GYPE: variants seen among roughly 807,000 people sequenced by gnomAD.
GYPE encodes the protein glycophorin E (MNS blood group), also known as glycophorin-E.
Under a neutral mutation model 11.6 loss-of-function variants are expected in GYPE, and 8 were observed. The ratio of observed to expected loss-of-function variants is 0.69; its 90% CI spans 0.41 to 1.25. The LOEUF (loss-of-function observed/expected upper bound fraction) is 1.25, where lower values mean the gene tolerates loss of function less well. GYPE is among the 50% of genes most tolerant of loss of function. GYPE has a pLI of 0.01. For missense variants in GYPE, 90 were observed against 92.8 expected (o/e 0.97, Z 0.12); for synonymous variants, 28 against 29.6 (o/e 0.94, Z 0.18).
At chr4:143,903,251 G>A (rs372143311) in intron 1 of GYPE, among the ~76,000 whole-genome samples, 3 of 151,056 alleles carry the variant, frequency 2.0e-5, no homozygotes, top group African/African-American at 4.9e-5. Context: ...TATTATCTGC[G>A]TTCCCTCCCA....
At position 143,882,086 on chromosome 4, in the gene GYPE, CTCTTT is replaced by C. The variant is rs556533003; in HGVS notation, c.38-1582_38-1578del. Among the ~76,000 whole-genome samples the C allele has an allele frequency of 4.3e-4, 66 of 152,262 alleles. No homozygotes were observed. The Middle Eastern group carries it at 0.02, about 47-fold the overall frequency. On this transcript the variant is annotated intron_variant, in intron 1 of 3. Coordinates refer to ENST00000358615, the MANE Select transcript of GYPE (RefSeq NM_198682.3). ...TCCTAAACTGTCTATGTTTTCTCTTCTCTTTTAAGTTCTTTTCTGGCCTTGCTCTT... is the reference window on the plus strand; with the variant it reads ...TCCTAAACTGTCTATGTTTTCTCTTCTAAGTTCTTTTCTGGCCTTGCTCTT...
At chr4:143,890,385 A>C (rs1488504825) in intron 1 of GYPE, among the ~76,000 whole-genome samples, 2 of 152,232 alleles carry the variant, frequency 1.3e-5, no homozygotes, top group Non-Finnish European at 2.9e-5. Context: ...TGAACTTCAC[A>C]CACATTAAAT....
intron 2 of GYPE, among the ~76,000 whole-genome samples, chr4:143,880,112 C>T (rs62338484): frequency 0.012 from 1,596 of 135,378 alleles, no homozygotes; most frequent in Non-Finnish European, 0.015. Context: ...ACAGACCCTC[C>T]GCACCACCGC....
chr4:143,875,309 T>C (rs1024335144), intron 3 of GYPE: 3 of 683,694 alleles, frequency 4.4e-6, no homozygotes, highest in South Asian at 2.0e-5. Flanking sequence ...CTATACTACA[T>C]GCAAATAATT....
In GYPE at chr4:143,876,220, C is replaced by G. The variant is rs1218784554; in HGVS notation, c.*9+526G>C. 5.3e-5 allele frequency among the ~76,000 whole-genome samples: 8 copies of G among 152,004 alleles called. 1 individual carries two copies. The highest frequency in any genetic ancestry group is 2.1e-4 in the South Asian group (1 of 4,808). On this transcript the variant is annotated intron_variant, in intron 3 of 3. Transcript: ENST00000358615. ...CCTTTATTTCCCAGGCTGAAGCAAT[C>G]CTCCCACTTCAGCCCCCTGAGTGGC... is the stretch of plus-strand genomic sequence containing the variant.
chr4:143,876,103 GT>G (rs1743798280), intron 3 of GYPE, among the ~76,000 whole-genome samples: 1 of 151,898 alleles, frequency 6.6e-6, no homozygotes, highest in Non-Finnish European at 1.5e-5. Context: ...GGTTTATTTT[GT>G]TTATTTTTAT....
intron 3 of GYPE, chr4:143,875,304 C>G: frequency 1.5e-6 from 1 of 662,654 alleles, no homozygotes; most frequent in East Asian, 2.8e-5. Flanking sequence ...CATGACTATA[C>G]TACATGCAAA....
rs187490690 is a variant in GYPE, at chr4:143,878,536, G to A, written c.137-1681C>T. 9.7e-4 allele frequency: 408 copies of A among 419,712 alleles called. 5 individuals carry two copies. Among genetic ancestry groups the A allele is most frequent in the African/African-American group, 7.8e-3 (360 of 46,418 alleles). 26.0% of individuals were successfully genotyped at this position (419,712 alleles called of 1,614,324 possible). On this transcript the variant is annotated intron_variant, in intron 2 of 3. Transcript: ENST00000358615. ...TGTGTGAATAAAGTTAACAACATAT[G>A]CTCTTCTGTTTTAAGATTGACACAT...
chr4:143,900,817 C>A (rs1389844559), intron 1 of GYPE, among the ~76,000 whole-genome samples: 1 of 151,982 alleles, frequency 6.6e-6, no homozygotes, highest in African/African-American at 2.4e-5. Flanking sequence ...TTAGTGGTTT[C>A]CAGGGGCTGG....
At chr4:143,878,525 T>A in intron 2 of GYPE, 1 of 391,546 alleles carries the variant, frequency 2.6e-6, no homozygotes, top group South Asian at 2.0e-5. Flanking sequence ...TGAATAAAGT[T>A]AACAACATAT....
In GYPE at chr4:143,876,932, C is replaced by T. The variant is rs531170871; in HGVS notation, c.137-77G>A. The T allele has an allele frequency of 8.8e-6, 7 of 791,466 alleles. No homozygotes were observed. The Admixed American group carries it at 1.4e-4, about 15-fold the overall frequency. 49.0% of individuals were successfully genotyped at this position (791,466 alleles called of 1,614,324 possible). ...CACATCCAATTGAAAAATAAGATAA[C>T]ATCAGCATAACATCACCTTGCCTTT... On this transcript the variant is annotated intron_variant, in intron 2 of 3. Transcript: ENST00000358615.
At chr4:143,882,872 A>AT (rs2149907557) in intron 1 of GYPE, among the ~76,000 whole-genome samples, 1 of 152,312 alleles carries the variant, frequency 6.6e-6, no homozygotes, top group African/African-American at 2.4e-5. Context: ...ATATCCCATT[A>AT]TTTTGAATTT....
chr4:143,892,645 T>A (rs1232193719), intron 1 of GYPE, among the ~76,000 whole-genome samples: 1 of 152,052 alleles, frequency 6.6e-6, no homozygotes, highest in African/African-American at 2.4e-5. Context: ...AATCCTGAGT[T>A]CTAGTTTGAT....
At position 143,882,685 on chromosome 4, in the gene GYPE, T is replaced by C. The variant is rs142505861; in HGVS notation, c.38-2176A>G. Among the ~76,000 whole-genome samples, 231 of 152,296 alleles carry C rather than the reference T, an allele frequency of 1.5e-3. 1 individual carries two copies. The highest frequency in any genetic ancestry group is 2.6e-3 in the Non-Finnish European group (174 of 68,038). Reference sequence around the variant, plus strand: ...GGAGCTCTCATCCTTCACTCAGGTGTGCTTGTCACTTCCATTTCTAACTTT... The same window carrying C: ...GGAGCTCTCATCCTTCACTCAGGTGCGCTTGTCACTTCCATTTCTAACTTT... On this transcript the variant is annotated intron_variant, in intron 1 of 3. Coordinates refer to ENST00000358615, the MANE Select transcript of GYPE (RefSeq NM_198682.3).
intron 1 of GYPE, among the ~76,000 whole-genome samples, chr4:143,904,905 T>C (rs1464257003): frequency 2.0e-5 from 3 of 152,168 alleles, no homozygotes; most frequent in African/African-American, 7.2e-5. Context: ...TTTTAATGGA[T>C]TTAAATTTCT....
At chr4:143,898,151 T>C (rs1234009391) in intron 1 of GYPE, among the ~76,000 whole-genome samples, 1 of 152,050 alleles carries the variant, frequency 6.6e-6, no homozygotes, top group Non-Finnish European at 1.5e-5. Flanking sequence ...CCGAGGCAGG[T>C]GGATTGCCTG....
intron 1 of GYPE, among the ~76,000 whole-genome samples, chr4:143,889,138 G>A: frequency 6.7e-6 from 1 of 149,736 alleles, no homozygotes. Context: ...ACTTGGTAGA[G>A]AAGGGTGCTG....
chr4:143,876,461 C>T (rs1743811886), intron 3 of GYPE, among the ~76,000 whole-genome samples: 2 of 151,922 alleles, frequency 1.3e-5, no homozygotes, highest in Admixed American at 1.3e-4. Flanking sequence ...TTAATATTTC[C>T]TCAATATCCA....
At chr4:143,872,895 G>A (rs1250524393) in intron 3 of GYPE, among the ~76,000 whole-genome samples, 2 of 152,058 alleles carry the variant, frequency 1.3e-5, no homozygotes, top group African/African-American at 4.8e-5. Flanking sequence ...AAGGGGGCAG[G>A]CCAGGTGAGC....
Sources: allele counts gnomAD v4.1 joint callset (sites outside exome capture counted in the v4.1 genomes callset), GRCh38; gene constraint gnomAD v4.1.1; transcripts MANE v1.5; gene names NCBI Gene and HGNC (gene_info 2026-07-23, HGNC 2026-07-21).